MRPL13: variants seen among roughly 807,000 people sequenced by gnomAD.
MRPL13 encodes the protein mitochondrial ribosomal protein L13, also known as large ribosomal subunit protein uL13m.
A neutral mutation model predicts 29.0 loss-of-function variants in MRPL13; 33 were observed. The ratio of observed to expected loss-of-function variants is 1.14; its 90% CI spans 0.86 to 1.52. The LOEUF (loss-of-function observed/expected upper bound fraction) is 1.52, where lower values mean the gene tolerates loss of function less well. MRPL13 is among the 40% of genes most tolerant of loss of function. MRPL13 has a pLI of 0.00. For missense variants in MRPL13, 227 were observed against 216.7 expected (o/e 1.05, Z -0.30); for synonymous variants, 77 against 68.4 (o/e 1.13, Z -0.62).
chr8:120,444,849 C>A, intron 1 of MRPL13: 21 of 390,962 alleles, frequency 5.4e-5, no homozygotes, highest in Non-Finnish European at 7.4e-5. Context: ...CCAAGAAAGA[C>A]ATGAAAAGGG....
At chr8:120,444,634 A>G (rs748695738) in intron 1 of MRPL13, among the ~76,000 whole-genome samples, 3 of 151,904 alleles carry the variant, frequency 2.0e-5, no homozygotes, top group Admixed American at 6.6e-5. Context: ...ACTAACCCCT[A>G]TTTCTGAACA....
chr8:120,416,477 G>C (rs1184724428), intron 5 of MRPL13, among the ~76,000 whole-genome samples: 3 of 152,186 alleles, frequency 2.0e-5, no homozygotes, highest in Admixed American at 1.3e-4. Flanking sequence ...CTGGGTGACA[G>C]AGCGAGACTC....
chr8:120,398,330 T>A (rs766533409), intron 6 of MRPL13, among the ~76,000 whole-genome samples: 2 of 152,154 alleles, frequency 1.3e-5, no homozygotes, highest in East Asian at 1.9e-4. Context: ...TAACTGGTGA[T>A]ACCTCCAGGT....
intron 3 of MRPL13, among the ~76,000 whole-genome samples, chr8:120,431,314 A>G (rs1812993100): frequency 6.6e-6 from 1 of 152,202 alleles, no homozygotes; most frequent in Non-Finnish European, 1.5e-5. Context: ...ACCTGAAGCT[A>G]TGGGTTAACT....
intron 6 of MRPL13, among the ~76,000 whole-genome samples, chr8:120,406,837 T>C (rs1049862092): frequency 4.6e-5 from 7 of 152,188 alleles, no homozygotes; most frequent in South Asian, 4.1e-4. Context: ...AGCTATCAAA[T>C]GTTCTGTAAC....
intron 3 of MRPL13, among the ~76,000 whole-genome samples, chr8:120,425,670 A>T (rs570112243): frequency 6.6e-6 from 1 of 152,268 alleles, no homozygotes; most frequent in South Asian, 2.1e-4. Flanking sequence ...TACTTGATTT[A>T]ACAAAGAAAT....
intron 5 of MRPL13, 159 bp downstream of exon 5, chr8:120,419,693 T>A: frequency 4.7e-6 from 2 of 421,226 alleles, no homozygotes; most frequent in Non-Finnish European, 8.2e-6. Context: ...AATAGAATTA[T>A]CATTTTTTAT....
At chr8:120,422,567 TATATATAAACATATATATAAAC>T (rs1219923215) in intron 4 of MRPL13, among the ~76,000 whole-genome samples, 1 of 148,444 alleles carries the variant, frequency 6.7e-6, no homozygotes, top group Non-Finnish European at 1.5e-5. Flanking sequence ...TATGGAAATA[TATATATAAACATATATATAAAC>T]ATATATAAAC....
chr8:120,425,256 T>A (rs770208726), intron 4 of MRPL13, 50 bp downstream of exon 4: 1 of 1,380,098 alleles, frequency 7.2e-7, no homozygotes, highest in Non-Finnish European at 1.0e-6. Flanking sequence ...CAAAACAGTA[T>A]CTGAATTGGT....
At chr8:120,411,193 C>G (rs1043418304) in intron 6 of MRPL13, among the ~76,000 whole-genome samples, 5 of 152,080 alleles carry the variant, frequency 3.3e-5, no homozygotes. Flanking sequence ...TACCAAGTAG[C>G]TGGGACTACA....
chr8:120,413,948 G>A (rs1812771011), intron 6 of MRPL13, 43 bp downstream of exon 6: 1 of 1,464,778 alleles, frequency 6.8e-7, no homozygotes, highest in African/African-American at 1.5e-5. Context: ...AGGAAACAGA[G>A]GATATCAAAA....
chr8:120,416,952 T>C (rs534911795), intron 5 of MRPL13, among the ~76,000 whole-genome samples: 1 of 152,352 alleles, frequency 6.6e-6, no homozygotes, highest in South Asian at 2.1e-4. Flanking sequence ...ATGTAACTTT[T>C]CCCAATTCAG....
chr8:120,419,969 A>G (rs752031271), intron 4 of MRPL13, 31 bp from the exon 5 acceptor site: 18 of 1,417,268 alleles, frequency 1.3e-5, no homozygotes, highest in Non-Finnish European at 1.7e-5. Flanking sequence ...ACAATAAGAA[A>G]ATTGTGACTT....
At position 120,414,110 on chromosome 8, in the gene MRPL13, A is replaced by G; in HGVS notation, c.396T>C (p.Tyr132=). The G allele has an allele frequency of 6.5e-7, 1 of 1,541,746 alleles. No homozygotes were observed. The highest frequency in any genetic ancestry group is 2.3e-5 in the Admixed American group (1 of 43,596). Residue 132 remains tyrosine, a splice_region_variant and synonymous_variant, in exon 6 of 7, where the codon TAT becomes TAC. Transcript: ENST00000306185. ...MERLHLFPDE[Y]IPEDILKNLV... is the part of the protein sequence containing the mutation. ...AATTCTTAAGAATATCTTCTGGAAT[A>G]TACTACATTAAAAAAAAATTTAGAC...
intron 6 of MRPL13, among the ~76,000 whole-genome samples, chr8:120,413,214 TA>T (rs1286839817): frequency 6.6e-6 from 1 of 152,222 alleles, no homozygotes; most frequent in Non-Finnish European, 1.5e-5. Flanking sequence ...ATTTATTCAA[TA>T]AATACTGGCT....
chr8:120,417,994 A>G (rs2130465932), intron 5 of MRPL13, among the ~76,000 whole-genome samples: 1 of 152,084 alleles, frequency 6.6e-6, no homozygotes, highest in East Asian at 1.9e-4. Context: ...ATAGTCTCTG[A>G]AAAAAATCTC....
At chr8:120,418,203 T>C (rs1322378802) in intron 5 of MRPL13, among the ~76,000 whole-genome samples, 1 of 152,104 alleles carries the variant, frequency 6.6e-6, no homozygotes, top group Non-Finnish European at 1.5e-5. Context: ...TCCTGGAAAG[T>C]ACAACTTACC....
At chr8:120,407,693 C>CAAAACAAAAA (rs1812691495) in intron 6 of MRPL13, among the ~76,000 whole-genome samples, 1 of 148,114 alleles carries the variant, frequency 6.8e-6, no homozygotes, top group Non-Finnish European at 1.5e-5. Flanking sequence ...CAAAACAAAA[C>CAAAACAAAAA]AAAAAATACA....
chr8:120,422,539 C>T (rs2130470468), intron 4 of MRPL13, among the ~76,000 whole-genome samples: 1 of 148,886 alleles, frequency 6.7e-6, no homozygotes, highest in East Asian at 1.9e-4. Context: ...CTTTATGTTT[C>T]TGAGAGGTCA....
Sources: gnomAD v4.1 joint callset for allele counts (sites outside exome capture counted in the v4.1 genomes callset) on GRCh38, gnomAD v4.1.1 for gene constraint, MANE v1.5 for transcripts, NCBI Gene and HGNC (gene_info 2026-07-23, HGNC 2026-07-21) for gene names.